The following MTHFD2L variants were observed in gnomAD, a reference collection of about 807,000 sequenced individuals.
MTHFD2L encodes bifunctional methylenetetrahydrofolate dehydrogenase/cyclohydrolase 2, mitochondrial.
In MTHFD2L, 29 loss-of-function variants were observed where a neutral mutation model predicts 34.9. That is an observed-to-expected ratio of 0.83 (90% CI 0.62 to 1.13). MTHFD2L has a LOEUF of 1.13. Among genes scored for constraint, MTHFD2L ranks in the 50% most tolerant of loss-of-function variants. MTHFD2L has a pLI of 0.00. For synonymous variants in MTHFD2L, 167 were observed against 155.7 expected, an observed-to-expected ratio of 1.07 and a Z score of -0.54; for missense variants, 481 against 446.5, an observed-to-expected ratio of 1.08 and a Z score of -0.70.
intron 2 of MTHFD2L, 54 bp downstream of exon 2, chr4:74,174,744 T>G (rs1728702499): frequency 1.7e-6 from 2 of 1,187,588 alleles, no homozygotes; most frequent in Non-Finnish European, 2.2e-6. Context: ...TGTTTTTACT[T>G]CAAATTGTGA....
At position 74,170,388 on chromosome 4, in the gene MTHFD2L, G is replaced by T. The variant is rs367573983; in HGVS notation, c.144-4118G>T. Reference sequence around the variant, plus strand: ...AGAAAAACATATGATCATCTCAATAGACATAAAAAACACTTGGCAGTAGCC... The same window carrying T: ...AGAAAAACATATGATCATCTCAATATACATAAAAAACACTTGGCAGTAGCC... On this transcript the variant is annotated intron_variant, in intron 1 of 7. Transcript: ENST00000325278. 1.3e-4 allele frequency among the ~76,000 whole-genome samples: 20 copies of T among 152,228 alleles called. 1 individual carries two copies. The highest frequency in any genetic ancestry group is 4.3e-4 in the African/African-American group (18 of 41,524).
At position 74,286,144 on chromosome 4, in the gene MTHFD2L, C is replaced by A. The variant is rs562402685; in HGVS notation, c.931+4594C>A. ...AGAACTTGACAGTTCATCAATATGT[C>A]CAGCTTCTGACAAATGCTTAACATT... On this transcript the variant is annotated intron_variant, in intron 7 of 7. Transcript: ENST00000325278. Among the ~76,000 whole-genome samples the A allele has an allele frequency of 5.3e-5, 8 of 152,212 alleles. No homozygotes were observed. The East Asian group carries it at 1.5e-3, about 29-fold the overall frequency.
chr4:74,135,765 C>G (rs1406914757), intron 1 of MTHFD2L, among the ~76,000 whole-genome samples: 1 of 151,868 alleles, frequency 6.6e-6, no homozygotes, highest in East Asian at 1.9e-4. Flanking sequence ...CAGCAAAATA[C>G]TCATTTACCA....
At chr4:74,154,119 T>C (rs528606757), upstream of MTHFD2L, among the ~76,000 whole-genome samples, 2 of 152,292 alleles carry the variant, frequency 1.3e-5, no homozygotes, top group South Asian at 4.1e-4. Context: ...GTCCCTCTGT[T>C]GGGATTTAAT....
At position 74,200,742 on chromosome 4, in the gene MTHFD2L, A is replaced by G. The variant is rs564414717; in HGVS notation, c.605-521A>G. ...TAGTTCTAACTTCTTTGCTTTACTT[A>G]TGAAGAAACTGAGTCCAAAAGAAGT... is the stretch of plus-strand genomic sequence containing the variant. On this transcript the variant is annotated intron_variant, in intron 4 of 7. Transcript: ENST00000325278. 4.6e-5 allele frequency among the ~76,000 whole-genome samples: 7 copies of G among 152,288 alleles called. 1 individual carries two copies. Among genetic ancestry groups the G allele is most frequent in the African/African-American group, 1.7e-4 (7 of 41,558 alleles).
In MTHFD2L at chr4:74,214,186, C is replaced by T. The variant is rs566089037; in HGVS notation, c.713-11116C>T. Among the ~76,000 whole-genome samples the T allele has an allele frequency of 1.4e-3, 217 of 151,826 alleles. 10 individuals carry two copies. The highest frequency in any genetic ancestry group is 5.2e-3 in the African/African-American group (215 of 41,142). On this transcript the variant is annotated intron_variant, in intron 5 of 7. Coordinates refer to ENST00000325278, the MANE Select transcript of MTHFD2L (RefSeq NM_001144978.3). ...TTTATCTCAGAAGAGTTTGTTATTA[C>T]CCACCTTCTGAAGCCTACTTCTGTC... is the stretch of plus-strand genomic sequence containing the variant.
At chr4:74,121,390 A>G (rs1721753643), upstream of MTHFD2L, among the ~76,000 whole-genome samples, 1 of 151,816 alleles carries the variant, frequency 6.6e-6, no homozygotes. Flanking sequence ...TCCTGCTTCC[A>G]TTTCCAATAT....
At chr4:74,250,121 A>C (rs1266098042) in intron 6 of MTHFD2L, among the ~76,000 whole-genome samples, 1 of 152,176 alleles carries the variant, frequency 6.6e-6, no homozygotes, top group Non-Finnish European at 1.5e-5. Context: ...TACACCAATC[A>C]GACGCAGATT....
At chr4:74,253,160 G>A (rs1018814422) in intron 6 of MTHFD2L, among the ~76,000 whole-genome samples, 1 of 152,186 alleles carries the variant, frequency 6.6e-6, no homozygotes, top group Non-Finnish European at 1.5e-5. Flanking sequence ...AGCTATATAA[G>A]GAACCAGAAA....
At chr4:74,209,283 G>T (rs966743725) in intron 5 of MTHFD2L, among the ~76,000 whole-genome samples, 2 of 152,106 alleles carry the variant, frequency 1.3e-5, no homozygotes, top group Non-Finnish European at 2.9e-5. Context: ...ATGGTGGTTT[G>T]CTGCACCCAT....
intron 7 of MTHFD2L, among the ~76,000 whole-genome samples, chr4:74,291,739 G>C (rs1748991927): frequency 6.6e-6 from 1 of 151,170 alleles, no homozygotes; most frequent in Admixed American, 6.6e-5. Context: ...GGGAAAGTAA[G>C]TGTATATAAT....
intron 7 of MTHFD2L, among the ~76,000 whole-genome samples, chr4:74,291,449 A>G (rs1467782438): frequency 6.6e-6 from 1 of 152,188 alleles, no homozygotes; most frequent in African/African-American, 2.4e-5. Flanking sequence ...CCCTCAAGTT[A>G]ACTTAATGGG....
intron 5 of MTHFD2L, among the ~76,000 whole-genome samples, chr4:74,219,370 G>A (rs534318417): frequency 1.5e-4 from 23 of 152,200 alleles, no homozygotes; most frequent in African/African-American, 5.3e-4. Flanking sequence ...ATGCACTCTA[G>A]AAGGATACAA....
intron 3 of MTHFD2L, among the ~76,000 whole-genome samples, chr4:74,178,728 G>A (rs1560452314): frequency 2.0e-5 from 3 of 152,026 alleles, no homozygotes; most frequent in Admixed American, 1.3e-4. Context: ...ACTTTTGTAT[G>A]CCATTTATAT....
At chr4:74,271,809 A>G (rs993025950) in intron 6 of MTHFD2L, among the ~76,000 whole-genome samples, 10 of 152,134 alleles carry the variant, frequency 6.6e-5, no homozygotes, top group Admixed American at 2.6e-4. Context: ...TGAGCATGGA[A>G]TGTTCTTTCA....
chr4:74,280,808 G>A (rs1206352490), intron 6 of MTHFD2L, among the ~76,000 whole-genome samples: 3 of 151,744 alleles, frequency 2.0e-5, no homozygotes, highest in Non-Finnish European at 2.9e-5. Context: ...AATCATATAC[G>A]GACATCGTGA....
intron 6 of MTHFD2L, among the ~76,000 whole-genome samples, chr4:74,256,620 A>G (rs1744058249): frequency 6.6e-6 from 1 of 152,190 alleles, no homozygotes; most frequent in African/African-American, 2.4e-5. Flanking sequence ...CTAGCCAGCT[A>G]TCTCAGCACC....
intron 5 of MTHFD2L, among the ~76,000 whole-genome samples, chr4:74,207,631 G>T (rs1375074343): frequency 6.6e-6 from 1 of 152,162 alleles, no homozygotes; most frequent in Non-Finnish European, 1.5e-5. Context: ...CACTCAAGCT[G>T]TGCTGCTGCA....
In MTHFD2L at chr4:74,255,436, AGAAAG is replaced by A. The variant is rs566598089; in HGVS notation, c.806-25985_806-25981del. On this transcript the variant is annotated intron_variant, in intron 6 of 7. Transcript: ENST00000325278. ...AGTCACAGAGGAAAATGGAGAAAGA[AGAAAG>A]GAACTAGAAAACAGTAAGAAAATAT... is the stretch of plus-strand genomic sequence containing the variant. Among the ~76,000 whole-genome samples the A allele has an allele frequency of 1.6e-3, 237 of 152,326 alleles. 1 individual carries two copies. The highest frequency in any genetic ancestry group is 5.1e-3 in the African/African-American group (214 of 41,586).
Sources: gnomAD v4.1 joint callset for allele counts (sites outside exome capture counted in the v4.1 genomes callset) on GRCh38, gnomAD v4.1.1 for gene constraint, MANE v1.5 for transcripts, NCBI Gene and HGNC (gene_info 2026-07-23, HGNC 2026-07-21) for gene names.